TVP23A: variants seen among roughly 807,000 people sequenced by gnomAD.
TVP23A encodes trans-golgi network vesicle protein 23 homolog A, also known as Golgi apparatus membrane protein TVP23 homolog A.
TVP23A carries 21 observed loss-of-function variants against 31.7 expected under a neutral mutation model. That is an observed-to-expected ratio of 0.66 (90% CI 0.47 to 0.95). The LOEUF is 0.95. TVP23A is among the 40% of genes least tolerant of loss of function. The pLI is 0.00. For missense variants in TVP23A, 279 were observed against 255.6 expected (o/e 1.09, Z -0.62); for synonymous variants, 104 against 96.0 (o/e 1.08, Z -0.49).
At chr16:10,815,718 A>C (rs934004493) in intron 2 of TVP23A, among the ~76,000 whole-genome samples, 6 of 152,218 alleles carry the variant, frequency 3.9e-5, no homozygotes, top group African/African-American at 1.4e-4. Flanking sequence ...TAAAGGCAGG[A>C]GTGGGGTCCT....
chr16:10,793,313 C>T (rs1422742423), intron 2 of TVP23A, among the ~76,000 whole-genome samples: 2 of 152,100 alleles, frequency 1.3e-5, no homozygotes, highest in East Asian at 3.9e-4. Context: ...GACATATCGA[C>T]TCTAGAGTCT....
At chr16:10,771,268 G>A (rs558667731) in intron 6 of TVP23A, among the ~76,000 whole-genome samples, 1 of 152,186 alleles carries the variant, frequency 6.6e-6, no homozygotes, top group East Asian at 1.9e-4. Context: ...CAGGCACAGT[G>A]GCTCACTCAT....
Position 10,775,085 on chromosome 16 carries a change from GC to G in TVP23A, c.100del (p.Ala34ProfsTer10). 1 of 1,608,474 alleles carries G rather than the reference GC, an allele frequency of 6.2e-7. No individual in the cohort carries two copies. Among genetic ancestry groups the G allele is most frequent in the Non-Finnish European group, 8.5e-7 (1 of 1,177,508 alleles). ...TCGGAAAAACAGGTGGAAAAAGGTG[GC>G]CAAGGGGTGTCTAGGAAAGGACCCA... ...FRKAKIRHPL[A>X]TFFHLFFRVS... On this transcript the variant is annotated frameshift_variant, in exon 3 of 8. Transcript: ENST00000299866. LOFTEE classifies it high-confidence loss of function.
At chr16:10,790,366 C>G (rs2033036029) in intron 2 of TVP23A, among the ~76,000 whole-genome samples, 1 of 142,818 alleles carries the variant, frequency 7.0e-6, no homozygotes, top group Non-Finnish European at 1.5e-5. Context: ...CTCACTACAA[C>G]CTCCGCCTTC....
At chr16:10,798,433 C>T (rs780744275) in intron 2 of TVP23A, among the ~76,000 whole-genome samples, 9 of 152,098 alleles carry the variant, frequency 5.9e-5, no homozygotes, top group Non-Finnish European at 1.0e-4. Flanking sequence ...ACAGTGGACA[C>T]GGTAGATACC....
Position 10,767,842 on chromosome 16 carries a change from GGC to G in TVP23A, c.*1258_*1259del. ...TTTGTTCTTCATTACGAGTGAAGCG[GGC>G]TCAAGATCTTCCCATTGTCACCAGC... On this transcript the variant is annotated 3_prime_UTR_variant, in exon 8 of 8. Coordinates refer to ENST00000299866, the MANE Select transcript of TVP23A (RefSeq NM_001079512.4). The surrounding 1 kb of genome is among the most constrained non-coding windows in gnomAD (Gnocchi z 4.6). 9.8e-7 allele frequency: 1 copy of G among 1,016,178 alleles called. No individual in the cohort carries two copies. The highest frequency in any genetic ancestry group is 1.5e-6 in the Non-Finnish European group (1 of 650,318). 62.9% of individuals were successfully genotyped at this position (1,016,178 alleles called of 1,614,324 possible).
chr16:10,785,862 C>G (rs541720293), intron 2 of TVP23A, among the ~76,000 whole-genome samples: 3 of 152,318 alleles, frequency 2.0e-5, no homozygotes, highest in Admixed American at 1.3e-4. Flanking sequence ...CCTTTATGAA[C>G]TCTTAACCTG....
At chr16:10,786,072 T>C (rs1206114909) in intron 2 of TVP23A, among the ~76,000 whole-genome samples, 2 of 152,174 alleles carry the variant, frequency 1.3e-5, no homozygotes, top group East Asian at 3.8e-4. Context: ...TTCTGATGAG[T>C]GTCTCCAAAG....
rs2031077999 is a variant in TVP23A at position 10,767,526 on chromosome 16, T to C, written c.*1576A>G. 2.3e-6 allele frequency: 1 copy of C among 438,844 alleles called. No homozygotes were observed. Among genetic ancestry groups the C allele is most frequent in the South Asian group, 8.0e-5 (1 of 12,506 alleles). 27.2% of individuals were successfully genotyped at this position (438,844 alleles called of 1,614,324 possible). On this transcript the variant is annotated 3_prime_UTR_variant, in exon 8 of 8. Transcript: ENST00000299866. The surrounding 1 kb of genome is among the most constrained non-coding windows in gnomAD (Gnocchi z 4.6). ...TGCACATTTATATGCGCATAATCTT[T>C]CTGGAAAGACACCTAGAACACTAGT...
chr16:10,774,391 G>A (rs758637059), intron 3 of TVP23A, among the ~76,000 whole-genome samples: 7 of 151,672 alleles, frequency 4.6e-5, no homozygotes, highest in Admixed American at 1.3e-4. Context: ...GTATTAATTC[G>A]TATACAAGTG....
chr16:10,815,951 G>GTGGC (rs150576825), intron 2 of TVP23A, among the ~76,000 whole-genome samples: 16,158 of 152,092 alleles, frequency 0.11, 1,845 homozygotes, highest in African/African-American at 0.28. Flanking sequence ...GATGGGTGCA[G>GTGGC]TGGCTCATGC....
chr16:10,764,743 G>T (rs1042579549), downstream of TVP23A, among the ~76,000 whole-genome samples: 1 of 149,572 alleles, frequency 6.7e-6, no homozygotes, highest in African/African-American at 2.5e-5. Context: ...GAGCATCTCA[G>T]TCTGCTGGAG....
At chr16:10,790,527 C>T (rs527380740) in intron 2 of TVP23A, among the ~76,000 whole-genome samples, 8 of 152,174 alleles carry the variant, frequency 5.3e-5, no homozygotes, top group African/African-American at 1.4e-4. Context: ...CCTTGTGATC[C>T]GCCCGCCTCG....
intron 2 of TVP23A, among the ~76,000 whole-genome samples, chr16:10,792,036 C>A (rs965636410): frequency 2.6e-5 from 4 of 152,214 alleles, no homozygotes; most frequent in African/African-American, 9.7e-5. Flanking sequence ...AAACGTCACA[C>A]CTGATCCAAC....
chr16:10,774,868 A>G, intron 3 of TVP23A, 84 bp downstream of exon 3: 1 of 1,290,606 alleles, frequency 7.7e-7, no homozygotes, highest in East Asian at 2.5e-5. Context: ...TCAGGAGTCT[A>G]AACCAAAGTA....
chr16:10,796,809 A>C (rs565169259), intron 2 of TVP23A, among the ~76,000 whole-genome samples: 1 of 152,184 alleles, frequency 6.6e-6, no homozygotes, highest in Non-Finnish European at 1.5e-5. Context: ...TTACGACTCA[A>C]ATGAATAAGC....
At chr16:10,775,228 G>A (rs2031925692) in intron 2 of TVP23A, 132 bp from the exon 3 acceptor site, 23 of 1,459,948 alleles carry the variant, frequency 1.6e-5, no homozygotes, top group Admixed American at 2.5e-5. Context: ...TGCATATGAC[G>A]CAGAAACTCA....
chr16:10,774,152 C>G, intron 3 of TVP23A, 24 bp from the exon 4 acceptor site: 2 of 1,572,540 alleles, frequency 1.3e-6, no homozygotes, highest in East Asian at 4.5e-5. Context: ...ACAAAGGACT[C>G]TGAGCAGGTC....
chr16:10,805,638 C>G (rs1339953256), intron 2 of TVP23A, among the ~76,000 whole-genome samples: 1 of 150,938 alleles, frequency 6.6e-6, no homozygotes, highest in African/African-American at 2.4e-5. Flanking sequence ...CTCCTCAGGG[C>G]TGAAGAAAGG....
Sources: allele counts gnomAD v4.1 joint callset (sites outside exome capture counted in the v4.1 genomes callset), GRCh38; gene constraint gnomAD v4.1.1; non-coding constraint Gnocchi (gnomAD v3.1); transcripts MANE v1.5; gene names NCBI Gene and HGNC (gene_info 2026-07-23, HGNC 2026-07-21).